The following UNC5D variants were observed in gnomAD, a reference collection of about 807,000 sequenced individuals.
UNC5D encodes the protein netrin receptor UNC5D.
In UNC5D, 39 loss-of-function variants were observed where a neutral mutation model predicts 105.4. The ratio of observed to expected loss-of-function variants is 0.37; its 90% CI spans 0.29 to 0.48. UNC5D has a LOEUF of 0.48. UNC5D is among the 20% of genes least tolerant of loss of function. The probability of loss-of-function intolerance (pLI) is 0.98; values close to 1 mark genes in which losing one functional copy is unlikely to be tolerated. For synonymous variants in UNC5D, 452 were observed against 450.4 expected (o/e 1.00, Z -0.04); for missense variants, 991 against 1,202.4 (o/e 0.82, Z 2.60).
At chr8:35,430,479 A>G (rs976992804) in intron 1 of UNC5D, among the ~76,000 whole-genome samples, 4 of 152,178 alleles carry the variant, frequency 2.6e-5, no homozygotes, top group Admixed American at 6.5e-5. Flanking sequence ...ATTAAACCCA[A>G]GAAAGGGGTC....
intron 1 of UNC5D, among the ~76,000 whole-genome samples, chr8:35,523,786 A>G (rs1184627153): frequency 1.2e-5 from 1 of 81,010 alleles, no homozygotes; most frequent in Non-Finnish European, 2.4e-5. Flanking sequence ...AGCTCTAGCC[A>G]GTCATGTGAG....
At chr8:35,304,764 A>G (rs760904706) in intron 1 of UNC5D, among the ~76,000 whole-genome samples, 1 of 152,172 alleles carries the variant, frequency 6.6e-6, no homozygotes, top group Non-Finnish European at 1.5e-5. Flanking sequence ...TCTCTGAACT[A>G]TAGTCACAGT....
chr8:35,585,959 A>G (rs1183421181), intron 3 of UNC5D, among the ~76,000 whole-genome samples: 3 of 152,094 alleles, frequency 2.0e-5, no homozygotes, highest in Non-Finnish European at 2.9e-5. Context: ...TATCAATAAT[A>G]TGGGTCTGCC....
At chr8:35,630,204 T>A (rs1273990695) in intron 4 of UNC5D, among the ~76,000 whole-genome samples, 1 of 152,252 alleles carries the variant, frequency 6.6e-6, no homozygotes, top group Non-Finnish European at 1.5e-5. Context: ...AATGTTATGA[T>A]GATAGTGGAA....
intron 4 of UNC5D, among the ~76,000 whole-genome samples, chr8:35,598,454 G>A (rs1173311312): frequency 6.6e-6 from 1 of 152,158 alleles, no homozygotes; most frequent in African/African-American, 2.4e-5. Flanking sequence ...TGGTGGGAAT[G>A]GAAATTGGTA....
chr8:35,710,931 A>ATTTTTT (rs1827896059), intron 8 of UNC5D, among the ~76,000 whole-genome samples: 5 of 122,020 alleles, frequency 4.1e-5, no homozygotes, highest in African/African-American at 1.7e-4. Context: ...GCTCAGCATT[A>ATTTTTT]TTCTTTTTTT....
chr8:35,519,748 A>G lies in UNC5D; in HGVS notation c.104-29544A>G, dbSNP rs2130438275. Among the ~76,000 whole-genome samples, 4 of 152,268 alleles carry G rather than the reference A, an allele frequency of 2.6e-5. No individual in the cohort carries two copies. In the South Asian group the frequency reaches 8.3e-4, roughly 32 times the overall value. On this transcript the variant is annotated intron_variant, in intron 1 of 16. Transcript: ENST00000404895. Reference sequence around the variant, plus strand: ...AAAATACATGCATTGACAAAGGTGAACTGTAAAAACAACATTGAGTTCAGA... The same window carrying G: ...AAAATACATGCATTGACAAAGGTGAGCTGTAAAAACAACATTGAGTTCAGA...
chr8:35,363,759 T>C (rs1302694745), intron 1 of UNC5D, among the ~76,000 whole-genome samples: 1 of 152,192 alleles, frequency 6.6e-6, no homozygotes, highest in Non-Finnish European at 1.5e-5. Context: ...AATTATCATA[T>C]GGTTGTGCTT....
chr8:35,677,574 C>T (rs1234461275), intron 4 of UNC5D, among the ~76,000 whole-genome samples: 1 of 152,090 alleles, frequency 6.6e-6, no homozygotes, highest in African/African-American at 2.4e-5. Flanking sequence ...AATCCAAGCA[C>T]AATTTGTCAC....
At chr8:35,405,343 TTAAC>T (rs775291229) in intron 1 of UNC5D, among the ~76,000 whole-genome samples, 1 of 152,172 alleles carries the variant, frequency 6.6e-6, no homozygotes, top group Non-Finnish European at 1.5e-5. Context: ...TGTATCCTAA[TTAAC>T]ATGTTGCATT....
At chr8:35,674,085 G>A (rs1433924159) in intron 4 of UNC5D, among the ~76,000 whole-genome samples, 1 of 152,190 alleles carries the variant, frequency 6.6e-6, no homozygotes, top group East Asian at 1.9e-4. Flanking sequence ...TGGAGTGTGT[G>A]CATTCAACTG....
intron 1 of UNC5D, among the ~76,000 whole-genome samples, chr8:35,411,606 C>T (rs188733838): frequency 7.2e-5 from 11 of 152,138 alleles, no homozygotes; most frequent in African/African-American, 2.6e-4. Flanking sequence ...TGAATATCAC[C>T]TATTTAAAGA....
chr8:35,497,449 C>T (rs1811672191), intron 1 of UNC5D, among the ~76,000 whole-genome samples: 1 of 152,180 alleles, frequency 6.6e-6, no homozygotes, highest in African/African-American at 2.4e-5. Context: ...AACCCCATCA[C>T]ATTTATTCTG....
chr8:35,568,121 A>G lies in UNC5D; in HGVS notation c.346A>G (p.Ile116Val), dbSNP rs1157939320. The G allele has an allele frequency of 1.2e-6, 2 of 1,614,076 alleles. No individual in the cohort carries two copies. Among genetic ancestry groups the G allele is most frequent in the Non-Finnish European group, 1.7e-6 (2 of 1,180,034 alleles). ...AGGTTTGAAGGTCCGCGAAGTGTTC[A>G]TCAATGTTACTAGGCAACAGGTGGA... The part of the protein sequence containing the change: ...SSGLKVREVF[I>V]NVTRQQVEDF... Residue 116 changes from isoleucine (I) to valine (V), a missense_variant, in exon 3 of 17, where the codon ATC (isoleucine) becomes GTC (valine). Physicochemically the swap from Ile to Val is conservative, Grantham distance 29 (BLOSUM62 3). Coordinates refer to ENST00000404895, the MANE Select transcript of UNC5D (RefSeq NM_080872.4).
At chr8:35,378,920 TA>T (rs1802862172) in intron 1 of UNC5D, among the ~76,000 whole-genome samples, 1 of 152,132 alleles carries the variant, frequency 6.6e-6, no homozygotes, top group Non-Finnish European at 1.5e-5. Context: ...CACCTTACAC[TA>T]AAAAGCGAAA....
intron 1 of UNC5D, among the ~76,000 whole-genome samples, chr8:35,336,116 G>A (rs190047260): frequency 1.0e-3 from 152 of 152,216 alleles, no homozygotes; most frequent in African/African-American, 3.4e-3. Flanking sequence ...CACAGGATGT[G>A]TAATCAGTTT....
At chr8:35,523,663 T>C (rs1813652567) in intron 1 of UNC5D, among the ~76,000 whole-genome samples, 1 of 141,710 alleles carries the variant, frequency 7.1e-6, no homozygotes, top group Non-Finnish European at 1.5e-5. Flanking sequence ...AATTTCATTT[T>C]GAAGGCAGGG....
At chr8:35,387,358 A>G (rs1427888100) in intron 1 of UNC5D, among the ~76,000 whole-genome samples, 2 of 134,968 alleles carry the variant, frequency 1.5e-5, no homozygotes, top group African/African-American at 6.1e-5. Flanking sequence ...GCGAGACTCC[A>G]TCTCAAAAAA....
At chr8:35,482,413 A>G (rs1810541243) in intron 1 of UNC5D, among the ~76,000 whole-genome samples, 2 of 152,174 alleles carry the variant, frequency 1.3e-5, no homozygotes, top group South Asian at 4.1e-4. Context: ...ACGTGCTGAC[A>G]TTGTTGTTCT....
Sources: allele counts gnomAD v4.1 joint callset (sites outside exome capture counted in the v4.1 genomes callset), GRCh38; gene constraint gnomAD v4.1.1; transcripts MANE v1.5; gene names NCBI Gene and HGNC (gene_info 2026-07-23, HGNC 2026-07-21).